The following RTN1 variants were observed in gnomAD, a reference collection of about 807,000 sequenced individuals.
RTN1 encodes the protein reticulon 1, also known as reticulon-1.
A neutral mutation model predicts 65.5 loss-of-function variants in RTN1; 25 were observed. The ratio of observed to expected loss-of-function variants is 0.38; its 90% CI spans 0.28 to 0.53. The LOEUF is 0.53. Ranked by LOEUF, RTN1 falls within the 20% of genes least tolerant of loss-of-function variation. The pLI, the probability that RTN1 is intolerant of heterozygous loss-of-function variation, is 0.79. For synonymous variants in RTN1, 471 were observed against 447.6 expected (o/e 1.05, Z -0.66); for missense variants, 983 against 1,025.4 (o/e 0.96, Z 0.57).
intron 3 of RTN1, among the ~76,000 whole-genome samples, chr14:59,669,513 A>T (rs1883455469): frequency 6.6e-6 from 1 of 152,096 alleles, no homozygotes; most frequent in Non-Finnish European, 1.5e-5. Context: ...TTAAATGATG[A>T]GTTGATGGAT....
At chr14:59,795,449 C>T (rs1347404571) in intron 1 of RTN1, among the ~76,000 whole-genome samples, 1 of 152,018 alleles carries the variant, frequency 6.6e-6, no homozygotes, top group Non-Finnish European at 1.5e-5. Context: ...GCCTGTAATC[C>T]TAACACTGCA....
chr14:59,674,430 T>G (rs1883576988), intron 3 of RTN1, among the ~76,000 whole-genome samples: 1 of 152,206 alleles, frequency 6.6e-6, no homozygotes, highest in Non-Finnish European at 1.5e-5. Context: ...GCAGCCACAA[T>G]GCAGGTGATA....
rs1357413900 is a variant in RTN1 at position 59,816,211 on chromosome 14, GCTTGCGTGCGTGCACACACACAGAC to G, written c.241+54154_241+54178del. Among the ~76,000 whole-genome samples the G allele has an allele frequency of 6.3e-4, 95 of 151,908 alleles. No individual in the cohort carries two copies. The highest frequency in any genetic ancestry group is 2.1e-3 in the African/African-American group (88 of 41,410). The stretch of plus-strand genomic sequence containing the variant: ...AAAGTATGCACACACACACACACAA[GCTTGCGTGCGTGCACACACACAGAC>G]ACACACACACACTAGTTACTCAGGT... On this transcript the variant is annotated intron_variant, in intron 1 of 8. Transcript: ENST00000267484. This position sits in a 1 kb window ranked among gnomAD's most constrained non-coding sequence, Gnocchi z 4.3.
At chr14:59,684,024 A>G (rs1047616172) in intron 3 of RTN1, among the ~76,000 whole-genome samples, 2 of 152,084 alleles carry the variant, frequency 1.3e-5, no homozygotes, top group African/African-American at 2.4e-5. Flanking sequence ...AAAGTTTTCT[A>G]ATGACCAAGC....
chr14:59,660,244 T>A (rs1883216519), intron 3 of RTN1, among the ~76,000 whole-genome samples: 1 of 152,114 alleles, frequency 6.6e-6, no homozygotes, highest in African/African-American at 2.4e-5. Flanking sequence ...ATAAAACAAG[T>A]TCTTAGAGAC....
chr14:59,602,129 A>C (rs1881598586), intron 8 of RTN1, among the ~76,000 whole-genome samples: 1 of 152,134 alleles, frequency 6.6e-6, no homozygotes, highest in Non-Finnish European at 1.5e-5. Context: ...CATCACATAT[A>C]ATCTAAGAGC....
chr14:59,605,305 G>A (rs1950786), intron 5 of RTN1, 63 bp downstream of exon 5: 1,295,147 of 1,545,330 alleles, frequency 0.84, 544,104 homozygotes, highest in East Asian at 1. Flanking sequence ...GCAGTTTACA[G>A]TATTACACCT....
Position 59,596,590 on chromosome 14 carries a change from G to A in RTN1, c.*155C>T. ...GACTCAAATATCCTAAGAGTACAAGGAACAGCCTAAAAACAGCTGTTTTAA... is the reference window on the plus strand; with the variant it reads ...GACTCAAATATCCTAAGAGTACAAGAAACAGCCTAAAAACAGCTGTTTTAA... On this transcript the variant is annotated 3_prime_UTR_variant, in exon 9 of 9. Coordinates refer to ENST00000267484, the MANE Select transcript of RTN1 (RefSeq NM_021136.3). The A allele has an allele frequency of 1.5e-6, 1 of 652,734 alleles. No homozygotes were observed. Among genetic ancestry groups the A allele is most frequent in the Non-Finnish European group, 2.8e-6 (1 of 356,152 alleles). The allele number at this position is 652,734 out of a possible 1,614,324, so 40.4% of individuals were successfully genotyped here.
intron 3 of RTN1, among the ~76,000 whole-genome samples, chr14:59,614,564 T>C (rs1174026002): frequency 2.6e-5 from 4 of 152,386 alleles, no homozygotes; most frequent in African/African-American, 7.2e-5. Flanking sequence ...TTAAAGATTA[T>C]TGGTAAAATA....
chr14:59,804,110 C>G (rs774986196), intron 1 of RTN1, among the ~76,000 whole-genome samples: 3 of 152,158 alleles, frequency 2.0e-5, no homozygotes, highest in Non-Finnish European at 4.4e-5. Context: ...CTTCCAGGAT[C>G]CCATCCAGGA....
rs1886832519 is a variant in RTN1 at position 59,816,975 on chromosome 14, G to A, written c.241+53415C>T. On this transcript the variant is annotated intron_variant, in intron 1 of 8. Coordinates refer to ENST00000267484, the MANE Select transcript of RTN1 (RefSeq NM_021136.3). This position sits in a 1 kb window ranked among gnomAD's most constrained non-coding sequence, Gnocchi z 4.3. ...AAATAAAATACACAGTACCAATAAG[G>A]GTTGTTTTATGTACATCTTAAGGGC... 6.6e-6 allele frequency among the ~76,000 whole-genome samples: 1 copy of A among 152,052 alleles called. No homozygotes were observed. Among genetic ancestry groups the A allele is most frequent in the Non-Finnish European group, 1.5e-5 (1 of 68,014 alleles).
rs1566713310 is a variant in RTN1, at chr14:59,750,205, A to ATATTATATATTATATC, written c.242-3725_242-3724insGATATAATATATAATA. Among the ~76,000 whole-genome samples, 33 of 50,888 alleles carry ATATTATATATTATATC rather than the reference A, an allele frequency of 6.5e-4. 4 individuals are homozygous for ATATTATATATTATATC. Among genetic ancestry groups the ATATTATATATTATATC allele is most frequent in the African/African-American group, 1.8e-3 (15 of 8,424 alleles). The allele number at this position is 50,888 out of a possible 152,430, so 33.4% of individuals were successfully genotyped here. ...ATAATACATATATTATATCTATAAT[A>ATATTATATATTATATC]TATAATATATATATTATATCTATAA... On this transcript the variant is annotated intron_variant, in intron 1 of 8. Transcript: ENST00000267484.
chr14:59,710,440 ATGGTTC>A (rs1256546842), intron 3 of RTN1, among the ~76,000 whole-genome samples: 1 of 152,186 alleles, frequency 6.6e-6, no homozygotes, highest in Non-Finnish European at 1.5e-5. Flanking sequence ...AGTTCCCCAA[ATGGTTC>A]TTTCTGTGAA....
intron 3 of RTN1, among the ~76,000 whole-genome samples, chr14:59,707,864 C>A (rs577554306): frequency 6.6e-6 from 1 of 151,880 alleles, no homozygotes; most frequent in Non-Finnish European, 1.5e-5. Flanking sequence ...GAAACAGGAC[C>A]CAATCAGTAT....
chr14:59,802,160 A>C (rs1423172834), intron 1 of RTN1, among the ~76,000 whole-genome samples: 1 of 152,238 alleles, frequency 6.6e-6, no homozygotes, highest in Non-Finnish European at 1.5e-5. Flanking sequence ...GGCTCTATTT[A>C]CTTATTAGTA....
chr14:59,807,790 A>T (rs2139608719), intron 1 of RTN1, among the ~76,000 whole-genome samples: 1 of 152,356 alleles, frequency 6.6e-6, no homozygotes, highest in Non-Finnish European at 1.5e-5. Context: ...CAAGTTATGG[A>T]ACTTATTCCA....
chr14:59,813,490 T>C (rs1323188396), intron 1 of RTN1, among the ~76,000 whole-genome samples: 1 of 152,226 alleles, frequency 6.6e-6, no homozygotes, highest in African/African-American at 2.4e-5. Flanking sequence ...GTTCAACCAA[T>C]CATCTACTTA....
At chr14:59,694,410 C>T (rs969400649) in intron 3 of RTN1, among the ~76,000 whole-genome samples, 9 of 152,126 alleles carry the variant, frequency 5.9e-5, no homozygotes, top group East Asian at 1.9e-4. Context: ...AAATCACATA[C>T]GTAAGTGTGT....
At chr14:59,749,501 C>A (rs1451683220) in intron 1 of RTN1, among the ~76,000 whole-genome samples, 14 of 66,026 alleles carry the variant, frequency 2.1e-4, no homozygotes, top group African/African-American at 9.6e-4. Flanking sequence ...CTATATATAT[C>A]TATATATAGA....
Sources: allele counts gnomAD v4.1 joint callset (sites outside exome capture counted in the v4.1 genomes callset), GRCh38; gene constraint gnomAD v4.1.1; non-coding constraint Gnocchi (gnomAD v3.1); transcripts MANE v1.5; gene names NCBI Gene and HGNC (gene_info 2026-07-23, HGNC 2026-07-21).